Variants in MARS1 observed in about 807,000 individuals in gnomAD.
MARS1 encodes methionine--tRNA ligase, cytoplasmic.
In MARS1, 80 loss-of-function variants were observed where a neutral mutation model predicts 119.5. That is an observed-to-expected ratio of 0.67 (90% CI 0.56 to 0.81). The LOEUF is 0.81. MARS1 is among the 30% of genes least tolerant of loss of function. MARS1 has a pLI of 0.00. For missense variants in MARS1, 945 were observed against 1,116.5 expected, an observed-to-expected ratio of 0.85 and a Z score of 2.19; for synonymous variants, 418 against 433.4, an observed-to-expected ratio of 0.96 and a Z score of 0.44.
rs149077795 is a variant in MARS1, at chr12:57,504,425, A to G, written c.1368+126A>G. On this transcript the variant is annotated intron_variant, in intron 11 of 20. Coordinates refer to ENST00000262027, the MANE Select transcript of MARS1 (RefSeq NM_004990.4). ...ATTTCCATTAAGAATTGTACATACTATTGTCAAGAGATGAAATAGATTAAA... is the reference window on the plus strand; with the variant it reads ...ATTTCCATTAAGAATTGTACATACTGTTGTCAAGAGATGAAATAGATTAAA... 3.4e-4 allele frequency: 251 copies of G among 748,130 alleles called. No individual in the cohort carries two copies. The African/African-American group carries it at 3.7e-3, about 11-fold the overall frequency. 46.3% of individuals were successfully genotyped at this position (748,130 alleles called of 1,614,324 possible). A position where few individuals can be genotyped will look rare whatever the true frequency, so the allele number is the denominator to read the frequency against.
At chr12:57,497,927 T>C (rs1876716034) in intron 7 of MARS1, among the ~76,000 whole-genome samples, 2 of 152,100 alleles carry the variant, frequency 1.3e-5, no homozygotes, top group South Asian at 4.1e-4. Flanking sequence ...GGCTCCTTCA[T>C]AGCAGTACAG....
intron 4 of MARS1, 71 bp from the exon 5 acceptor site, chr12:57,489,825 T>G: frequency 1.5e-6 from 2 of 1,372,656 alleles, no homozygotes; most frequent in African/African-American, 1.4e-5. Flanking sequence ...TCAGTAAATG[T>G]TAGATATTAC....
chr12:57,489,637 C>A (rs117385528), intron 4 of MARS1, 79 bp downstream of exon 4: 2 of 1,568,474 alleles, frequency 1.3e-6, no homozygotes, highest in Non-Finnish European at 1.7e-6. Flanking sequence ...TCAGAGTGTT[C>A]GAACCCAACA....
chr12:57,498,394 C>G (rs1043927357), intron 8 of MARS1, 26 bp from the exon 9 acceptor site: 5 of 1,610,864 alleles, frequency 3.1e-6, no homozygotes, highest in Non-Finnish European at 4.2e-6. Flanking sequence ...GCGGGGCCCC[C>G]TAGCGATCAC....
Position 57,498,608 on chromosome 12 carries a change from C to T in MARS1, c.1076C>T (p.Thr359Ile), listed in dbSNP as rs1229752471. 6.2e-7 allele frequency: 1 copy of T among 1,614,022 alleles called. No homozygotes were observed. The highest frequency in any genetic ancestry group is 1.3e-5 in the African/African-American group (1 of 74,914). ...TTTGATATTTTTGGTCGCACCACCA[C>T]TCCACAGCAGACCAAGTAAGTTTCC... Reference protein sequence around the residue: ...ISFDIFGRTTTPQQTKITQDI... With the variant: ...ISFDIFGRTTIPQQTKITQDI... Residue 359 changes from threonine to isoleucine, a missense_variant, in exon 9 of 21, where the codon ACT (threonine) becomes ATT (isoleucine). By Grantham distance (89) the Thr-to-Ile change is moderately conservative. Transcript: ENST00000262027.
chr12:57,498,724 A>C (rs1876766633), intron 9 of MARS1, 101 bp downstream of exon 9: 1 of 1,056,204 alleles, frequency 9.5e-7, no homozygotes, highest in Non-Finnish European at 1.5e-6. Flanking sequence ...CTGTCTGGGC[A>C]CTCCTAAACT....
At chr12:57,501,798 G>C (rs998803010) in intron 10 of MARS1, among the ~76,000 whole-genome samples, 3 of 151,566 alleles carry the variant, frequency 2.0e-5, no homozygotes, top group African/African-American at 7.3e-5. Flanking sequence ...TTCCAGCCTG[G>C]GTTACAAAGT....
intron 10 of MARS1, among the ~76,000 whole-genome samples, chr12:57,502,723 G>A (rs932776171): frequency 2.9e-4 from 25 of 87,694 alleles, no homozygotes; most frequent in East Asian, 4.0e-4. Flanking sequence ...AAAAAAAAAA[G>A]CAACAACAAC....
At chr12:57,488,664 A>G (rs1188963483) in intron 1 of MARS1, 2 of 1,549,374 alleles carry the variant, frequency 1.3e-6, no homozygotes, top group Non-Finnish European at 8.7e-7. Context: ...GTTCTCTTGT[A>G]AGTCTTCTCA....
intron 10 of MARS1, among the ~76,000 whole-genome samples, chr12:57,502,590 C>T (rs1028242409): frequency 1.3e-5 from 2 of 151,776 alleles, no homozygotes; most frequent in Non-Finnish European, 2.9e-5. Flanking sequence ...CCTGTAATCC[C>T]AGCTACCAGG....
chr12:57,512,944 C>A lies in MARS1; in HGVS notation c.1947C>A (p.Asn649Lys). The A allele has an allele frequency of 6.2e-7, 1 of 1,614,174 alleles. No individual in the cohort carries two copies. The highest frequency in any genetic ancestry group is 8.5e-7 in the Non-Finnish European group (1 of 1,180,032). Residue 649 changes from asparagine to lysine, a missense_variant, in exon 15 of 21, where the codon AAC becomes AAA. Physicochemically the swap from Asn to Lys is moderately conservative, Grantham distance 94. Coordinates refer to ENST00000262027, the MANE Select transcript of MARS1 (RefSeq NM_004990.4). ...AGAATAATTCTGAGCTGCTTAACAA[C>A]CTGGGCAACTTCATCAACAGGTAGG... ...LLKNNSELLN[N>K]LGNFINRAGM... is the part of the protein sequence containing the mutation.
intron 11 of MARS1, among the ~76,000 whole-genome samples, chr12:57,506,375 G>A (rs1403375814): frequency 6.6e-6 from 1 of 152,208 alleles, no homozygotes; most frequent in African/African-American, 2.4e-5. Context: ...GCTATAGTGA[G>A]CCATGATTGT....
chr12:57,510,467 C>G (rs930328382), intron 11 of MARS1, among the ~76,000 whole-genome samples: 2 of 151,672 alleles, frequency 1.3e-5, no homozygotes, highest in African/African-American at 4.8e-5. Flanking sequence ...AGCAAGACTC[C>G]AGCTCAAAAA....
intron 10 of MARS1, among the ~76,000 whole-genome samples, chr12:57,503,765 C>T (rs1214968447): frequency 6.6e-6 from 1 of 152,130 alleles, no homozygotes; most frequent in Non-Finnish European, 1.5e-5. Flanking sequence ...TGGTCTCAAT[C>T]TCTTGACCTC....
intron 7 of MARS1, among the ~76,000 whole-genome samples, chr12:57,492,445 A>G (rs1489502051): frequency 6.6e-6 from 1 of 151,672 alleles, no homozygotes; most frequent in Non-Finnish European, 1.5e-5. Context: ...CCAAGGCGGC[A>G]GATCACCTGA....
Position 57,500,438 on chromosome 12 carries a change from C to T in MARS1, c.1209C>T (p.Gly403=), listed in dbSNP as rs746685572. 41 of 1,614,156 alleles carry T rather than the reference C, an allele frequency of 2.5e-5. No homozygotes were observed. The highest frequency in any genetic ancestry group is 3.3e-4 in the Middle Eastern group (2 of 6,062). Residue 403 remains glycine (G), a synonymous_variant, in exon 10 of 21, where the codon GGC becomes GGT. Transcript: ENST00000262027. ...TCCTGGCTGACCGCTTCGTGGAGGG[C>T]GTGTGTCCCTTCTGTGGCTATGAGG... ...ARFLADRFVE[G]VCPFCGYEEA... is the part of the protein sequence containing the mutation.
chr12:57,491,522 T>C (rs1875958485), intron 7 of MARS1, among the ~76,000 whole-genome samples: 1 of 152,200 alleles, frequency 6.6e-6, no homozygotes, highest in African/African-American at 2.4e-5. Context: ...AATCCACCCC[T>C]TCTCCTCTCT....
intron 10 of MARS1, among the ~76,000 whole-genome samples, chr12:57,503,783 G>A (rs1594824179): frequency 1.3e-5 from 2 of 151,882 alleles, no homozygotes; most frequent in African/African-American, 2.4e-5. Context: ...CTCATGATCC[G>A]CCTGCCTCGG....
Position 57,512,218 on chromosome 12 carries a change from C to T in MARS1, c.1636-18C>T. 6.2e-7 allele frequency: 1 copy of T among 1,610,416 alleles called. No homozygotes were observed. The highest frequency in any genetic ancestry group is 8.5e-7 in the Non-Finnish European group (1 of 1,176,670). On this transcript the variant is annotated intron_variant, in intron 13 of 20. Coordinates refer to ENST00000262027, the MANE Select transcript of MARS1 (RefSeq NM_004990.4). ...TGAAGGAGGTCTCAGGAAATCTCTCCTAACCACATTCCCCTAGGTGGACCT... is the reference window on the plus strand; with the variant it reads ...TGAAGGAGGTCTCAGGAAATCTCTCTTAACCACATTCCCCTAGGTGGACCT...
Sources: allele counts gnomAD v4.1 joint callset (sites outside exome capture counted in the v4.1 genomes callset), GRCh38; gene constraint gnomAD v4.1.1; transcripts MANE v1.5; gene names NCBI Gene and HGNC (gene_info 2026-07-23, HGNC 2026-07-21).